Variants in EXOC6B observed in about 807,000 individuals in gnomAD.
The protein encoded by EXOC6B is SEC15 homolog B.
A neutral mutation model predicts 113.5 loss-of-function variants in EXOC6B; 54 were observed. The ratio of observed to expected loss-of-function variants is 0.48; its 90% CI spans 0.38 to 0.60. The LOEUF is 0.60. Among genes scored for constraint, EXOC6B ranks in the 20% least tolerant of loss-of-function variants. The probability of loss-of-function intolerance (pLI) is 0.00; values close to 1 mark genes in which losing one functional copy is unlikely to be tolerated. For synonymous variants in EXOC6B, 357 were observed against 339.0 expected (o/e 1.05, Z -0.58); for missense variants, 797 against 977.5 (o/e 0.82, Z 2.46).
At chr2:72,437,388 T>C (rs1210298008) in intron 18 of EXOC6B, among the ~76,000 whole-genome samples, 1 of 152,228 alleles carries the variant, frequency 6.6e-6, no homozygotes, top group Non-Finnish European at 1.5e-5. Flanking sequence ...GGGACCCACT[T>C]GAGGAGGCAG....
intron 5 of EXOC6B, among the ~76,000 whole-genome samples, 164 bp from the exon 6 acceptor site, chr2:72,718,471 C>T (rs1001071271): frequency 2.6e-5 from 4 of 152,160 alleles, no homozygotes; most frequent in Non-Finnish European, 5.9e-5. Flanking sequence ...CTAATACATA[C>T]TTTAAAAGAC....
chr2:72,771,791 A>G (rs1297595459), intron 1 of EXOC6B, among the ~76,000 whole-genome samples: 8 of 152,198 alleles, frequency 5.3e-5, no homozygotes, highest in Non-Finnish European at 8.8e-5. Context: ...CCTGGGCAAC[A>G]TGGTGAGACC....
chr2:72,252,716 C>G (rs1341723187), intron 20 of EXOC6B, among the ~76,000 whole-genome samples: 1 of 152,162 alleles, frequency 6.6e-6, no homozygotes, highest in Non-Finnish European at 1.5e-5. Flanking sequence ...ATAAAAATCA[C>G]AGATCAGGGA....
chr2:72,632,829 G>A (rs762498740), intron 6 of EXOC6B, among the ~76,000 whole-genome samples: 1 of 152,018 alleles, frequency 6.6e-6, no homozygotes, highest in Non-Finnish European at 1.5e-5. Flanking sequence ...CTACAGGTTT[G>A]TGTCACCATT....
At chr2:72,268,775 C>T (rs1684295915) in intron 20 of EXOC6B, among the ~76,000 whole-genome samples, 1 of 152,094 alleles carries the variant, frequency 6.6e-6, no homozygotes, top group Non-Finnish European at 1.5e-5. Context: ...ACCTCCCCAC[C>T]TCTGCTTCTT....
chr2:72,552,369 T>C (rs1703286932), intron 8 of EXOC6B, among the ~76,000 whole-genome samples: 1 of 152,018 alleles, frequency 6.6e-6, no homozygotes, highest in African/African-American at 2.4e-5. Context: ...AGAAACAAAA[T>C]GTTAAGGAAG....
chr2:72,220,035 T>C (rs1377631338), intron 20 of EXOC6B, among the ~76,000 whole-genome samples: 2 of 152,136 alleles, frequency 1.3e-5, no homozygotes, highest in African/African-American at 4.8e-5. Context: ...AAGTATCAAC[T>C]TACTTCTCAG....
At chr2:72,277,859 A>G (rs1308387754) in intron 20 of EXOC6B, among the ~76,000 whole-genome samples, 2 of 151,762 alleles carry the variant, frequency 1.3e-5, no homozygotes. Context: ...TTTTTTTTAT[A>G]TAAAATTATC....
chr2:72,569,351 A>G (rs926574816), intron 7 of EXOC6B, among the ~76,000 whole-genome samples: 3 of 151,922 alleles, frequency 2.0e-5, no homozygotes, highest in Non-Finnish European at 4.4e-5. Flanking sequence ...TTTTCACATC[A>G]GTGTGGCCCC....
intron 6 of EXOC6B, among the ~76,000 whole-genome samples, chr2:72,713,325 G>C (rs1679387852): frequency 6.6e-6 from 1 of 152,124 alleles, no homozygotes; most frequent in African/African-American, 2.4e-5. Flanking sequence ...AGACTTTCAA[G>C]TCTGTTTTCT....
chr2:72,260,672 C>A (rs1434558540), intron 20 of EXOC6B, among the ~76,000 whole-genome samples: 1 of 152,120 alleles, frequency 6.6e-6, no homozygotes, highest in Non-Finnish European at 1.5e-5. Flanking sequence ...GATAAGAGAA[C>A]AGAGAAGATT....
intron 18 of EXOC6B, among the ~76,000 whole-genome samples, chr2:72,389,409 T>G (rs1692234821): frequency 6.6e-6 from 1 of 152,040 alleles, no homozygotes; most frequent in Admixed American, 6.5e-5. Flanking sequence ...TCATTATTTT[T>G]GCTTTTAAAG....
At chr2:72,617,107 C>A (rs745569425) in intron 6 of EXOC6B, among the ~76,000 whole-genome samples, 2 of 152,182 alleles carry the variant, frequency 1.3e-5, no homozygotes, top group Non-Finnish European at 2.9e-5. Context: ...AAAATGATCT[C>A]CTTTGACTCC....
chr2:72,527,843 T>C (rs1701812579), intron 8 of EXOC6B, among the ~76,000 whole-genome samples: 1 of 152,012 alleles, frequency 6.6e-6, no homozygotes, highest in South Asian at 2.1e-4. Flanking sequence ...TGTTTCTTCA[T>C]GTCTTTTGCT....
intron 20 of EXOC6B, among the ~76,000 whole-genome samples, chr2:72,267,584 C>G (rs1467506909): frequency 6.6e-6 from 1 of 152,130 alleles, no homozygotes; most frequent in Admixed American, 6.5e-5. Context: ...ATTGAACCAG[C>G]CTTGCATCCC....
chr2:72,303,804 C>T (rs77275594), intron 20 of EXOC6B, among the ~76,000 whole-genome samples: 4,189 of 152,138 alleles, frequency 0.028, 211 homozygotes, highest in African/African-American at 0.095. Flanking sequence ...TCTTTTTCAC[C>T]TCTGTGTGTG....
chr2:72,381,094 T>C (rs1043082902), intron 18 of EXOC6B, among the ~76,000 whole-genome samples: 20 of 152,230 alleles, frequency 1.3e-4, no homozygotes, highest in African/African-American at 4.8e-4. Flanking sequence ...ATGACCATTA[T>C]TGGTATTAGG....
chr2:72,697,236 T>C (rs1300351568), intron 6 of EXOC6B, among the ~76,000 whole-genome samples: 1 of 152,152 alleles, frequency 6.6e-6, no homozygotes, highest in African/African-American at 2.4e-5. Flanking sequence ...CTAATGAGAA[T>C]AGTACACATA....
chr2:72,405,080 T>C (rs1335841086), intron 18 of EXOC6B, among the ~76,000 whole-genome samples: 1 of 152,124 alleles, frequency 6.6e-6, no homozygotes, highest in African/African-American at 2.4e-5. Flanking sequence ...CAGTAGCCGA[T>C]TCAATCAACT....
Sources: gnomAD v4.1 joint callset for allele counts (sites outside exome capture counted in the v4.1 genomes callset) on GRCh38, gnomAD v4.1.1 for gene constraint, MANE v1.5 for transcripts, NCBI Gene and HGNC (gene_info 2026-07-23, HGNC 2026-07-21) for gene names.